Variants in MBTD1 observed in about 807,000 individuals in gnomAD.
MBTD1 encodes MBT domain-containing protein 1.
In MBTD1, 24 loss-of-function variants were observed where a neutral mutation model predicts 87.8. That is an observed-to-expected ratio of 0.27 (90% CI 0.20 to 0.38). The LOEUF (loss-of-function observed/expected upper bound fraction) is 0.38. MBTD1 is among the 10% of genes least tolerant of loss of function. The pLI, the probability that MBTD1 is intolerant of heterozygous loss-of-function variation, is 1.00. For missense variants in MBTD1, 436 were observed against 760.2 expected (o/e 0.57, Z 5.02); for synonymous variants, 237 against 248.6 (o/e 0.95, Z 0.44).
chr17:51,238,374 G>A (rs1441176553), intron 2 of MBTD1, among the ~76,000 whole-genome samples: 1 of 152,164 alleles, frequency 6.6e-6, no homozygotes, highest in African/African-American at 2.4e-5. Context: ...GAGATGATTA[G>A]AAGATATGTT....
rs539422570 is a variant in MBTD1, at chr17:51,212,811, C to A, written c.486+4523G>T. Among the ~76,000 whole-genome samples, 3 of 152,270 alleles carry A rather than the reference C, an allele frequency of 2.0e-5. No individual in the cohort carries two copies. The East Asian group carries it at 5.8e-4, about 29-fold the overall frequency. On this transcript the variant is annotated intron_variant, in intron 6 of 16. Transcript: ENST00000586178. ...TGCTCTTATTGCTTAGGCTAGAGTG[C>A]AGTGGCGCAATCTCAGCTCACTGCA...
At chr17:51,257,123 T>C (rs542633960) in intron 2 of MBTD1, among the ~76,000 whole-genome samples, 1 of 152,360 alleles carries the variant, frequency 6.6e-6, no homozygotes, top group East Asian at 1.9e-4. Context: ...TCAAAAGTCA[T>C]CTTGCACAGT....
intron 4 of MBTD1, 77 bp from the exon 5 acceptor site, chr17:51,219,121 C>T: frequency 1.4e-6 from 1 of 706,236 alleles, no homozygotes; most frequent in Non-Finnish European, 2.6e-6. Context: ...CTGCATACTA[C>T]ACATTCTGCT....
chr17:51,182,584 T>G (rs1229200815), intron 16 of MBTD1, among the ~76,000 whole-genome samples: 1 of 152,196 alleles, frequency 6.6e-6, no homozygotes, highest in Non-Finnish European at 1.5e-5. Flanking sequence ...TACTACCCCC[T>G]GAATCTGGGC....
Position 51,193,536 on chromosome 17 carries a change from G to A in MBTD1, c.1373-26C>T, listed in dbSNP as rs978278920. On this transcript the variant is annotated intron_variant, in intron 13 of 16. Transcript: ENST00000586178. ...CTAAAAAACACAACTGGTTTAACTA[G>A]CAGTTCATTTAAAATTAGCATAATA... 2.3e-6 allele frequency: 3 copies of A among 1,280,414 alleles called. No individual in the cohort carries two copies. The African/African-American group carries it at 4.4e-5, about 19-fold the overall frequency. The allele number at this position is 1,280,414 out of a possible 1,614,324, so 79.3% of individuals were successfully genotyped here.
rs2050214940 is a variant in MBTD1, at chr17:51,179,499, T to TATATAC, written c.*1076_*1077insGTATAT. 1 of 58,754 alleles carries TATATAC rather than the reference T, an allele frequency of 1.7e-5. No homozygotes were observed. The highest frequency in any genetic ancestry group is 7.0e-5 in the African/African-American group (1 of 14,318). 3.6% of individuals were successfully genotyped at this position (58,754 alleles called of 1,614,324 possible). On this transcript the variant is annotated 3_prime_UTR_variant, in exon 17 of 17. Transcript: ENST00000586178. ...AAAGACAATTTTATATATATATATA[T>TATATAC]ATATATATATATATATATATATATA...
chr17:51,246,602 A>G (rs1407530721), intron 2 of MBTD1, among the ~76,000 whole-genome samples: 4 of 151,482 alleles, frequency 2.6e-5, no homozygotes, highest in Non-Finnish European at 4.4e-5. Context: ...TCACGTCACT[A>G]ACAAACAATC....
chr17:51,179,484 TTATATATATATATATATA>T lies in MBTD1; in HGVS notation c.*1074_*1091del, dbSNP rs56750454. ...ATCCTGAATACAATTAAAGACAATT[TTATATATATATATATATA>T]TATATATATATATATATATATATAT... On this transcript the variant is annotated 3_prime_UTR_variant, in exon 17 of 17. Coordinates refer to ENST00000586178, the MANE Select transcript of MBTD1 (RefSeq NM_017643.3). The T allele has an allele frequency of 1.3e-3, 46 of 35,306 alleles. 1 individual carries two copies. Among genetic ancestry groups the T allele is most frequent in the East Asian group, 6.5e-3 (7 of 1,076 alleles). The allele number at this position is 35,306 out of a possible 1,614,324, so 2.2% of individuals were successfully genotyped here.
chr17:51,241,342 A>T (rs1454011128), intron 2 of MBTD1, among the ~76,000 whole-genome samples: 1 of 152,030 alleles, frequency 6.6e-6, no homozygotes, highest in Non-Finnish European at 1.5e-5. Flanking sequence ...TATTTTCTTT[A>T]ATAAGCAATC....
At chr17:51,202,680 G>A (rs1568170081) in intron 10 of MBTD1, 21 bp downstream of exon 10, 1 of 1,567,648 alleles carries the variant, frequency 6.4e-7, no homozygotes, top group African/African-American at 1.3e-5. Context: ...TTTGACAGGA[G>A]TTCTTGTGAT....
At chr17:51,195,133 G>T in intron 13 of MBTD1, 81 bp downstream of exon 13, 1 of 1,246,436 alleles carries the variant, frequency 8.0e-7, no homozygotes, top group Non-Finnish European at 1.1e-6. Context: ...GAAATCTAGG[G>T]CTGTGTTAAA....
At chr17:51,196,843 G>A (rs867566230) in intron 12 of MBTD1, among the ~76,000 whole-genome samples, 19 of 151,708 alleles carry the variant, frequency 1.3e-4, no homozygotes, top group Middle Eastern at 3.4e-3. Flanking sequence ...AGTGAGCCGA[G>A]ACCATGCCAT....
At chr17:51,186,457 A>G (rs914180886) in intron 16 of MBTD1, 12 of 151,874 alleles carry the variant, frequency 7.9e-5, no homozygotes, top group African/African-American at 2.4e-4. Context: ...AAAACAAGAC[A>G]AAGTAAAATG....
intron 2 of MBTD1, among the ~76,000 whole-genome samples, chr17:51,253,133 T>C (rs2054891776): frequency 6.6e-6 from 1 of 152,174 alleles, no homozygotes. Flanking sequence ...ATTAAAAAAT[T>C]AAGTTGGTAT....
At chr17:51,227,362 A>G (rs1027256898) in intron 2 of MBTD1, among the ~76,000 whole-genome samples, 11 of 152,010 alleles carry the variant, frequency 7.2e-5, no homozygotes, top group Non-Finnish European at 1.3e-4. Context: ...GGAGTTCAAG[A>G]CTAGCCTGGG....
At chr17:51,228,294 G>A (rs986344595) in intron 2 of MBTD1, among the ~76,000 whole-genome samples, 1 of 152,040 alleles carries the variant, frequency 6.6e-6, no homozygotes, top group African/African-American at 2.4e-5. Context: ...CTTAGTATCT[G>A]GGTGATGAAA....
At chr17:51,228,738 CAAAA>C (rs1020048711) in intron 2 of MBTD1, among the ~76,000 whole-genome samples, 1 of 149,872 alleles carries the variant, frequency 6.7e-6, no homozygotes, top group Non-Finnish European at 1.5e-5. Flanking sequence ...ACTAAAAATA[CAAAA>C]AAAAATTAGC....
Position 51,200,640 on chromosome 17 carries a change from G to C in MBTD1, c.1224+952C>G, listed in dbSNP as rs562632963. Among the ~76,000 whole-genome samples, 14 of 151,644 alleles carry C rather than the reference G, an allele frequency of 9.2e-5. No individual in the cohort carries two copies. In the East Asian group the frequency reaches 2.7e-3, roughly 29 times the overall value. ...GCACTGTGGGAGGCTGAGGCAGGTGGGTTACTTGAGTCCAGGAATTCGAGA... is the reference window on the plus strand; with the variant it reads ...GCACTGTGGGAGGCTGAGGCAGGTGCGTTACTTGAGTCCAGGAATTCGAGA... On this transcript the variant is annotated intron_variant, in intron 12 of 16. Coordinates refer to ENST00000586178, the MANE Select transcript of MBTD1 (RefSeq NM_017643.3).
chr17:51,247,812 G>C (rs1011192730), intron 2 of MBTD1, among the ~76,000 whole-genome samples: 1 of 152,154 alleles, frequency 6.6e-6, no homozygotes, highest in Non-Finnish European at 1.5e-5. Context: ...TGTAGCATCG[G>C]GAGTATCTGG....
Sources: gnomAD v4.1 joint callset for allele counts (sites outside exome capture counted in the v4.1 genomes callset) on GRCh38, gnomAD v4.1.1 for gene constraint, MANE v1.5 for transcripts, NCBI Gene and HGNC (gene_info 2026-07-23, HGNC 2026-07-21) for gene names.